The following ARHGAP15 variants were observed in gnomAD, a reference collection of about 807,000 sequenced individuals.
The protein encoded by ARHGAP15 is Rho GTPase activating protein 15.
Under a neutral mutation model 63.7 loss-of-function variants are expected in ARHGAP15, and 51 were observed. The ratio of observed to expected loss-of-function variants is 0.80; its 90% CI spans 0.64 to 1.01. The LOEUF (loss-of-function observed/expected upper bound fraction) is 1.01, where lower values mean the gene tolerates loss of function less well. ARHGAP15 is among the 50% of genes least tolerant of loss of function. The pLI, the probability that ARHGAP15 is intolerant of heterozygous loss-of-function variation, is 0.00. For missense variants in ARHGAP15, 560 were observed against 564.6 expected (o/e 0.99, Z 0.08); for synonymous variants, 191 against 193.8 (o/e 0.99, Z 0.12).
intron 6 of ARHGAP15, among the ~76,000 whole-genome samples, chr2:143,278,712 G>A (rs1457565250): frequency 6.6e-6 from 1 of 151,904 alleles, no homozygotes; most frequent in Non-Finnish European, 1.5e-5. Context: ...GACTACTACA[G>A]CAATTTAAAA....
chr2:143,326,605 C>T (rs998566925), intron 6 of ARHGAP15, among the ~76,000 whole-genome samples: 1 of 152,188 alleles, frequency 6.6e-6, no homozygotes, highest in African/African-American at 2.4e-5. Flanking sequence ...TTCTGAGTTA[C>T]TGTACATGCC....
At chr2:143,498,892 G>A (rs775502275) in intron 9 of ARHGAP15, among the ~76,000 whole-genome samples, 33 of 152,186 alleles carry the variant, frequency 2.2e-4, no homozygotes, top group Non-Finnish European at 4.3e-4. Context: ...AGTAGGGACT[G>A]TGCTCAAAGA....
At chr2:143,408,316 A>AT (rs1161580395) in intron 6 of ARHGAP15, among the ~76,000 whole-genome samples, 1 of 150,574 alleles carries the variant, frequency 6.6e-6, no homozygotes, top group African/African-American at 2.4e-5. Context: ...AATCTATAAA[A>AT]TTTTTATATA....
rs138800335 is a variant in ARHGAP15, at chr2:143,613,086, A to C, written c.1004-11047A>C. The stretch of plus-strand genomic sequence containing the variant: ...CCAGAAACATAGCCCTGGGCTTAGC[A>C]CTTTATAGAAATCCAGTAAATAAAA... On this transcript the variant is annotated intron_variant, in intron 11 of 13. Transcript: ENST00000295095. Among the ~76,000 whole-genome samples the C allele has an allele frequency of 2.6e-5, 4 of 152,316 alleles. No homozygotes were observed. The East Asian group carries it at 7.7e-4, about 29-fold the overall frequency.
chr2:143,223,392 T>G (rs1220291620), intron 4 of ARHGAP15, among the ~76,000 whole-genome samples: 1 of 152,202 alleles, frequency 6.6e-6, no homozygotes, highest in African/African-American at 2.4e-5. Flanking sequence ...TCCCTTACTC[T>G]TGGCACTTTG....
At chr2:143,732,709 T>C (rs1685586948) in intron 13 of ARHGAP15, among the ~76,000 whole-genome samples, 2 of 151,638 alleles carry the variant, frequency 1.3e-5, no homozygotes, top group South Asian at 2.1e-4. Context: ...GAGATTTTCA[T>C]AGAATTAAAA....
At chr2:143,534,074 A>G (rs138239472) in intron 10 of ARHGAP15, among the ~76,000 whole-genome samples, 1 of 152,250 alleles carries the variant, frequency 6.6e-6, no homozygotes, top group Non-Finnish European at 1.5e-5. Flanking sequence ...CTTGAATTGT[A>G]ATCTCCATAA....
intron 6 of ARHGAP15, among the ~76,000 whole-genome samples, chr2:143,271,552 T>C (rs1681281589): frequency 1.3e-5 from 2 of 152,380 alleles, no homozygotes; most frequent in South Asian, 2.1e-4. Flanking sequence ...CTCGTCTCAC[T>C]GCAAGCTCCG....
At chr2:143,305,956 C>G (rs928330952) in intron 6 of ARHGAP15, among the ~76,000 whole-genome samples, 11 of 152,100 alleles carry the variant, frequency 7.2e-5, no homozygotes, top group African/African-American at 2.7e-4. Context: ...AATAAGTGCA[C>G]TGTGTATCTT....
chr2:143,477,725 AAG>A (rs1691889561), intron 8 of ARHGAP15, among the ~76,000 whole-genome samples: 1 of 152,180 alleles, frequency 6.6e-6, no homozygotes, highest in African/African-American at 2.4e-5. Context: ...AAAAGGAAGA[AAG>A]AAAGAAAAAA....
chr2:143,735,887 G>A (rs148851040), intron 13 of ARHGAP15, among the ~76,000 whole-genome samples: 18 of 152,272 alleles, frequency 1.2e-4, no homozygotes, highest in African/African-American at 3.1e-4. Flanking sequence ...ATTAAGGAGC[G>A]CTGGTGCCTA....
chr2:143,137,694 A>G (rs1004268777), intron 1 of ARHGAP15, among the ~76,000 whole-genome samples: 5 of 152,076 alleles, frequency 3.3e-5, no homozygotes, highest in Non-Finnish European at 7.4e-5. Context: ...GACTAATTTT[A>G]TGTTCACTTT....
intron 11 of ARHGAP15, among the ~76,000 whole-genome samples, chr2:143,572,746 G>A (rs1180071411): frequency 6.6e-6 from 1 of 151,960 alleles, no homozygotes; most frequent in Non-Finnish European, 1.5e-5. Context: ...AATTAATATA[G>A]CCATCCTGAA....
At chr2:143,233,784 A>T (rs574998728) in intron 5 of ARHGAP15, among the ~76,000 whole-genome samples, 90 of 151,854 alleles carry the variant, frequency 5.9e-4, no homozygotes, top group South Asian at 3.3e-3. Flanking sequence ...AGCTGGGATT[A>T]CAGACACGCA....
At chr2:143,188,781 C>T (rs551496633) in intron 2 of ARHGAP15, among the ~76,000 whole-genome samples, 19 of 151,824 alleles carry the variant, frequency 1.3e-4, no homozygotes, top group African/African-American at 2.9e-4. Flanking sequence ...CCACCATGCC[C>T]GGCTAATTAT....
intron 9 of ARHGAP15, chr2:143,518,802 G>T (rs1693934369): frequency 6.5e-6 from 1 of 153,110 alleles, no homozygotes; most frequent in African/African-American, 2.4e-5. Context: ...TTCGAAGCAA[G>T]TCTCCTAGAA....
At chr2:143,304,582 A>G (rs1683080111) in intron 6 of ARHGAP15, among the ~76,000 whole-genome samples, 3 of 152,142 alleles carry the variant, frequency 2.0e-5, no homozygotes, top group South Asian at 2.1e-4. Context: ...GTGCACATGT[A>G]CCCTACAACT....
intron 10 of ARHGAP15, among the ~76,000 whole-genome samples, chr2:143,527,195 T>C (rs1365765995): frequency 6.6e-6 from 1 of 152,074 alleles, no homozygotes; most frequent in Non-Finnish European, 1.5e-5. Context: ...TCTACACATA[T>C]ATGGTAAAAG....
At chr2:143,363,618 G>A (rs1312864589) in intron 6 of ARHGAP15, among the ~76,000 whole-genome samples, 1 of 152,158 alleles carries the variant, frequency 6.6e-6, no homozygotes, top group African/African-American at 2.4e-5. Flanking sequence ...ATTTCAAAAA[G>A]TAGCCACTTA....
Sources: allele counts gnomAD v4.1 joint callset (sites outside exome capture counted in the v4.1 genomes callset), GRCh38; gene constraint gnomAD v4.1.1; transcripts MANE v1.5; gene names NCBI Gene and HGNC (gene_info 2026-07-23, HGNC 2026-07-21).